SLC24A3: variants seen among roughly 807,000 people sequenced by gnomAD.
The protein encoded by SLC24A3 is solute carrier family 24 member 3.
In SLC24A3, 28 loss-of-function variants were observed where a neutral mutation model predicts 75.8. That is an observed-to-expected ratio of 0.37 (90% confidence interval 0.27 to 0.51). The LOEUF (loss-of-function observed/expected upper bound fraction) is 0.51. Ranked by LOEUF, SLC24A3 falls within the 20% of genes least tolerant of loss-of-function variation. The pLI is 0.94. For missense variants in SLC24A3, 663 were observed against 847.8 expected, an observed-to-expected ratio of 0.78 and a Z score of 2.71; for synonymous variants, 372 against 334.1, an observed-to-expected ratio of 1.11 and a Z score of -1.24.
At chr20:19,606,635 C>T (rs1205786500) in intron 6 of SLC24A3, among the ~76,000 whole-genome samples, 1 of 152,112 alleles carries the variant, frequency 6.6e-6, no homozygotes, top group Non-Finnish European at 1.5e-5. Context: ...TTTGTGAATC[C>T]CTCATATGTA....
At chr20:19,720,893 T>G in intron 16 of SLC24A3, 98 bp from the exon 17 acceptor site, 2 of 1,418,520 alleles carry the variant, frequency 1.4e-6, no homozygotes, top group Non-Finnish European at 1.9e-6. Flanking sequence ...AGGCCCATAG[T>G]CAGCAGCCCT....
intron 2 of SLC24A3, among the ~76,000 whole-genome samples, chr20:19,474,347 A>C (rs1222276372): frequency 6.6e-6 from 1 of 152,222 alleles, no homozygotes; most frequent in Non-Finnish European, 1.5e-5. Flanking sequence ...CAATGCAAGA[A>C]GACTGCACAA....
chr20:19,684,707 C>A (rs962433732), intron 11 of SLC24A3, among the ~76,000 whole-genome samples: 16 of 152,334 alleles, frequency 1.1e-4, no homozygotes, highest in African/African-American at 2.9e-4. Context: ...TTGAATTTTG[C>A]TGTGCATTCC....
rs1981445124 is a variant in SLC24A3, at chr20:19,212,917, C to A, written c.75C>A (p.Ser25Arg). 1.5e-6 allele frequency: 2 copies of A among 1,351,732 alleles called. No individual in the cohort carries two copies. Among genetic ancestry groups the A allele is most frequent in the African/African-American group, 1.5e-5 (1 of 67,118 alleles). The allele number at this position is 1,351,732 out of a possible 1,614,324, so 83.7% of individuals were successfully genotyped here. Residue 25 changes from serine to arginine, a missense_variant, in exon 1 of 17, where the codon AGC (serine) becomes AGA (arginine). Coordinates refer to ENST00000328041, the MANE Select transcript of SLC24A3 (RefSeq NM_020689.4). Reference protein sequence around the residue: ...RRRRRRDLLLSQLCFLASVAL... With the variant: ...RRRRRRDLLLRQLCFLASVAL... ...GCCGCCGGAGGGACCTTCTGCTGAG[C>A]CAGCTCTGCTTCCTGGCCTCGGTGG...
At chr20:19,543,576 G>T (rs1363188304) in intron 3 of SLC24A3, among the ~76,000 whole-genome samples, 2 of 152,174 alleles carry the variant, frequency 1.3e-5, no homozygotes. Context: ...CTGCGGTGCT[G>T]CATGAGAGGT....
chr20:19,508,003 G>A (rs2122549635), intron 2 of SLC24A3, among the ~76,000 whole-genome samples: 1 of 152,290 alleles, frequency 6.6e-6, no homozygotes, highest in South Asian at 2.1e-4. Context: ...TGAGTCCACG[G>A]TACACATGGA....
intron 7 of SLC24A3, among the ~76,000 whole-genome samples, chr20:19,664,972 C>G (rs145188439): frequency 6.6e-6 from 1 of 152,240 alleles, no homozygotes; most frequent in Non-Finnish European, 1.5e-5. Context: ...CTTATGTTCT[C>G]TGTGACTCAG....
chr20:19,720,842 G>C, intron 16 of SLC24A3, 149 bp from the exon 17 acceptor site: 1 of 682,088 alleles, frequency 1.5e-6, no homozygotes, highest in Non-Finnish European at 2.3e-6. Context: ...TGAGACGAGA[G>C]GTGGATTTTG....
intron 15 of SLC24A3, among the ~76,000 whole-genome samples, chr20:19,717,020 AC>A (rs2033052760): frequency 6.6e-6 from 1 of 152,210 alleles, no homozygotes; most frequent in Non-Finnish European, 1.5e-5. Flanking sequence ...TTTGCTCACA[AC>A]AGCAACCCTC....
intron 2 of SLC24A3, among the ~76,000 whole-genome samples, chr20:19,407,745 G>T (rs1279370198): frequency 6.6e-6 from 1 of 152,168 alleles, no homozygotes; most frequent in African/African-American, 2.4e-5. Context: ...ATTGATGTCT[G>T]AATCTTTTAT....
At chr20:19,566,131 A>T (rs2030954541) in intron 3 of SLC24A3, among the ~76,000 whole-genome samples, 1 of 152,228 alleles carries the variant, frequency 6.6e-6, no homozygotes, top group African/African-American at 2.4e-5. Flanking sequence ...TCCCAAGATC[A>T]TTCAAGCAAC....
intron 3 of SLC24A3, among the ~76,000 whole-genome samples, chr20:19,540,594 G>A (rs187874425): frequency 2.6e-5 from 4 of 152,328 alleles, no homozygotes; most frequent in East Asian, 1.9e-4. Flanking sequence ...CAGAGCCAGC[G>A]CCACGGTGAG....
In SLC24A3 at chr20:19,696,829, T is replaced by C; in HGVS notation, c.1524T>C (p.Pro508=). ...TCATTGGTTACACCCTGGGGATTCC[T>C]GACGTCATCATGGGGATCACCTTCC... is the stretch of plus-strand genomic sequence containing the variant. The part of the protein sequence containing the change: ...VTIIGYTLGI[P]DVIMGITFLA... The change falls in exon 14 of 17, where the codon CCT becomes CCC. Residue 508 remains proline (P), a synonymous_variant. Transcript: ENST00000328041. The C allele has an allele frequency of 1.2e-6, 2 of 1,614,114 alleles. No individual in the cohort carries two copies. Among genetic ancestry groups the C allele is most frequent in the Non-Finnish European group, 1.7e-6 (2 of 1,180,006 alleles).
chr20:19,397,751 A>G (rs946626500), intron 2 of SLC24A3, among the ~76,000 whole-genome samples: 1 of 150,580 alleles, frequency 6.6e-6, no homozygotes, highest in African/African-American at 2.4e-5. Context: ...TGCATCTATT[A>G]AATAAGTTGG....
At chr20:19,563,822 G>A (rs1276606886) in intron 3 of SLC24A3, among the ~76,000 whole-genome samples, 2 of 152,192 alleles carry the variant, frequency 1.3e-5, no homozygotes, top group African/African-American at 4.8e-5. Flanking sequence ...AAAGCACAAT[G>A]TTGGGCAATA....
At chr20:19,246,027 T>TATATCAAC (rs1982475727) in intron 1 of SLC24A3, among the ~76,000 whole-genome samples, 1 of 152,162 alleles carries the variant, frequency 6.6e-6, no homozygotes, top group African/African-American at 2.4e-5. Context: ...CAATATAGCA[T>TATATCAAC]AATATTTTCC....
chr20:19,253,733 G>A (rs1272292895), intron 1 of SLC24A3, among the ~76,000 whole-genome samples: 2 of 152,222 alleles, frequency 1.3e-5, no homozygotes, highest in South Asian at 2.1e-4. Context: ...GAAAAGGAGA[G>A]AAGGAAAGTG....
chr20:19,348,180 C>T (rs914045613), intron 2 of SLC24A3, among the ~76,000 whole-genome samples: 5 of 152,150 alleles, frequency 3.3e-5, no homozygotes, highest in African/African-American at 9.7e-5. Context: ...TGTGGGGTTT[C>T]GGTTTCACAC....
Position 19,404,585 on chromosome 20 carries a change from AC to A in SLC24A3, c.272-110901del, listed in dbSNP as rs1423028573. Among the ~76,000 whole-genome samples, 4 of 152,178 alleles carry A rather than the reference AC, an allele frequency of 2.6e-5. No homozygotes were observed. In the East Asian group the frequency reaches 7.7e-4, roughly 29 times the overall value. ...TCTCCTTCTGTATTTGTTCAGACGC[AC>A]CTAGCTGATGATTTGGGCATGAGTT... On this transcript the variant is annotated intron_variant, in intron 2 of 16. Transcript: ENST00000328041.
Sources: gnomAD v4.1 joint callset for allele counts (sites outside exome capture counted in the v4.1 genomes callset) on GRCh38, gnomAD v4.1.1 for gene constraint, MANE v1.5 for transcripts, NCBI Gene and HGNC (gene_info 2026-07-23, HGNC 2026-07-21) for gene names.